The following CD40 variants were observed in gnomAD, a reference collection of about 807,000 sequenced individuals.
CD40 encodes CD40 molecule.
In CD40, 19 loss-of-function variants were observed where a neutral mutation model predicts 38.5. The observed-to-expected ratio is 0.49, with a 90% confidence interval of 0.34 to 0.72. The LOEUF (loss-of-function observed/expected upper bound fraction) is 0.72. CD40 is among the 30% of genes least tolerant of loss of function. The pLI, the probability that CD40 is intolerant of heterozygous loss-of-function variation, is 0.01. For missense variants in CD40, 256 were observed against 344.1 expected, an observed-to-expected ratio of 0.74 and a Z score of 2.03; for synonymous variants, 130 against 128.7, an observed-to-expected ratio of 1.01 and a Z score of -0.07.
Position 46,128,124 on chromosome 20 carries a change from C to T in CD40, c.560-14C>T. 2 of 1,613,932 alleles carry T rather than the reference C, an allele frequency of 1.2e-6. No individual in the cohort carries two copies. The highest frequency in any genetic ancestry group is 1.7e-6 in the Non-Finnish European group (2 of 1,179,980). Reference sequence around the variant, plus strand: ...GCAGGTGAGGGGTGCATGCTGAAGTCCTGATTTCTCCAGGTCCCCAGGATC... The same window carrying T: ...GCAGGTGAGGGGTGCATGCTGAAGTTCTGATTTCTCCAGGTCCCCAGGATC... On this transcript the variant is annotated splice_polypyrimidine_tract_variant and intron_variant, in intron 6 of 8. Coordinates refer to ENST00000372285, the MANE Select transcript of CD40 (RefSeq NM_001250.6).
At position 46,122,997 on chromosome 20, in the gene CD40, C is replaced by A; in HGVS notation, c.404-129C>A. On this transcript the variant is annotated intron_variant, in intron 4 of 8. Transcript: ENST00000372285. The surrounding 1 kb of genome is among the most constrained non-coding windows in gnomAD (Gnocchi z 5.0). ...TCCTGGGGACTGCAGCTGTCGGGGG[C>A]AGTACCACATCGGGGGAAGAGTGCT... 4.5e-6 allele frequency: 4 copies of A among 894,976 alleles called. No individual in the cohort carries two copies. The highest frequency in any genetic ancestry group is 7.4e-6 in the Non-Finnish European group (4 of 541,568). 55.4% of individuals were successfully genotyped at this position (894,976 alleles called of 1,614,324 possible). A position where few individuals can be genotyped will look rare whatever the true frequency, so the allele number is the denominator to read the frequency against.
chr20:46,120,175 C>T (rs920353496), intron 1 of CD40, among the ~76,000 whole-genome samples: 4 of 152,116 alleles, frequency 2.6e-5, no homozygotes, highest in African/African-American at 9.7e-5. Context: ...GGGCTGCTTG[C>T]CATATATCAT....
At chr20:46,123,404 GTCTCTTTGAGGTAATAGACACTGTTGA>G (rs2085357785) in intron 5 of CD40, among the ~76,000 whole-genome samples, 185 bp downstream of exon 5, 1 of 152,316 alleles carries the variant, frequency 6.6e-6, no homozygotes, top group Admixed American at 6.5e-5. Context: ...TTTGCCTGCT[GTCTCTTTGAGGTAATAGACACTGTTGA>G]TCTCTCGCTT....
intron 1 of CD40, 82 bp downstream of exon 1, chr20:46,118,476 C>A: frequency 1.6e-6 from 2 of 1,269,240 alleles, no homozygotes. Flanking sequence ...GGGGAAGAGG[C>A]CTTCCTGGCT....
At chr20:46,121,167 A>G (rs1326198111) in intron 1 of CD40, among the ~76,000 whole-genome samples, 1 of 152,206 alleles carries the variant, frequency 6.6e-6, no homozygotes, top group Non-Finnish European at 1.5e-5. Flanking sequence ...GTTGATGGAG[A>G]GAGGAGCATT....
Position 46,122,703 on chromosome 20 carries a change from A to G in CD40, c.350A>G (p.Glu117Gly). Residue 117 changes from glutamate (E) to glycine (G), a missense_variant, in exon 4 of 9, where the codon GAG (glutamate) becomes GGG (glycine). Glu to Gly is a moderately conservative substitution (Grantham distance 98). Coordinates refer to ENST00000372285, the MANE Select transcript of CD40 (RefSeq NM_001250.6). The surrounding 1 kb of genome is among the most constrained non-coding windows in gnomAD (Gnocchi z 5.0). ...TGGCACTGTACGAGTGAGGCCTGTGAGAGCTGTGTCCTGCACCGCTCATGC... is the reference window on the plus strand; with the variant it reads ...TGGCACTGTACGAGTGAGGCCTGTGGGAGCTGTGTCCTGCACCGCTCATGC... ...EGWHCTSEAC[E>G]SCVLHRSCSP... The G allele has an allele frequency of 6.2e-7, 1 of 1,614,156 alleles. No individual in the cohort carries two copies. Among genetic ancestry groups the G allele is most frequent in the South Asian group, 1.1e-5 (1 of 91,076 alleles).
chr20:46,122,884 T>G lies in CD40; in HGVS notation c.403+128T>G. 4 of 1,229,594 alleles carry G rather than the reference T, an allele frequency of 3.3e-6. No individual in the cohort carries two copies. The South Asian group carries it at 5.5e-5, about 17-fold the overall frequency. The allele number at this position is 1,229,594 out of a possible 1,614,324, so 76.2% of individuals were successfully genotyped here. On this transcript the variant is annotated intron_variant, in intron 4 of 8. Transcript: ENST00000372285. The surrounding 1 kb of genome is among the most constrained non-coding windows in gnomAD (Gnocchi z 5.0). ...GCAGAGGCTCCAACCTATGTCGGTA[T>G]CCCCACTGGAGTGAGCTGCAGACGG...
In CD40 at chr20:46,122,807, G is replaced by T; in HGVS notation, c.403+51G>T. 2 of 1,609,142 alleles carry T rather than the reference G, an allele frequency of 1.2e-6. No homozygotes were observed. Among genetic ancestry groups the T allele is most frequent in the South Asian group, 2.2e-5 (2 of 90,834 alleles). On this transcript the variant is annotated intron_variant, in intron 4 of 8. Transcript: ENST00000372285. This position sits in a 1 kb window ranked among gnomAD's most constrained non-coding sequence, Gnocchi z 5.0. The stretch of plus-strand genomic sequence containing the variant: ...TTTGGAGGGGGACAGAGGAGCTTAG[G>T]GCCCAAGGTGAGGGGCTGGGCAGTG...
At chr20:46,127,289 G>A in intron 6 of CD40, 1 of 154,638 alleles carries the variant, frequency 6.5e-6, no homozygotes, top group Admixed American at 6.3e-5. Context: ...TAGTAATCAA[G>A]GTAAATTCAT....
Position 46,123,156 on chromosome 20 carries a change from C to A in CD40, c.434C>A (p.Pro145His). Residue 145 changes from proline to histidine, a missense_variant, in exon 5 of 9, where the codon CCC becomes CAC. Transcript: ENST00000372285. ...GGGGTTTCTGATACCATCTGCGAGCCCTGCCCAGTCGGCTTCTTCTCCAAT... is the reference window on the plus strand; with the variant it reads ...GGGGTTTCTGATACCATCTGCGAGCACTGCCCAGTCGGCTTCTTCTCCAAT... ...ATGVSDTICE[P>H]CPVGFFSNVS... The A allele has an allele frequency of 6.2e-7, 1 of 1,614,194 alleles. No individual in the cohort carries two copies. Among genetic ancestry groups the A allele is most frequent in the Non-Finnish European group, 8.5e-7 (1 of 1,180,016 alleles).
Position 46,128,970 on chromosome 20 carries a change from T to C in CD40, c.764T>C (p.Leu255Ser). 2 of 1,614,194 alleles carry C rather than the reference T, an allele frequency of 1.2e-6. No individual in the cohort carries two copies. The highest frequency in any genetic ancestry group is 1.7e-6 in the Non-Finnish European group (2 of 1,180,022). Reference sequence around the variant, plus strand: ...ACTGCTGCTCCAGTGCAGGAGACTTTACATGGATGCCAACCGGTCACCCAG... The same window carrying C: ...ACTGCTGCTCCAGTGCAGGAGACTTCACATGGATGCCAACCGGTCACCCAG... ...SNTAAPVQET[L>S]HGCQPVTQED... is the part of the protein sequence containing the mutation. The change falls in exon 9 of 9, where the codon TTA becomes TCA. Residue 255 changes from leucine (L) to serine (S), a missense_variant. Coordinates refer to ENST00000372285, the MANE Select transcript of CD40 (RefSeq NM_001250.6).
Sources: gnomAD v4.1 joint callset for allele counts (sites outside exome capture counted in the v4.1 genomes callset) on GRCh38, gnomAD v4.1.1 for gene constraint, Gnocchi (gnomAD v3.1) non-coding constraint, MANE v1.5 for transcripts, NCBI Gene and HGNC (gene_info 2026-07-23, HGNC 2026-07-21) for gene names.